DCLK3: variants seen among roughly 807,000 people sequenced by gnomAD.
The protein encoded by DCLK3 is serine/threonine-protein kinase DCLK3.
In DCLK3, 30 loss-of-function variants were observed where a neutral mutation model predicts 46.4. The ratio of observed to expected loss-of-function variants is 0.65; its 90% CI spans 0.48 to 0.88. DCLK3 has a LOEUF of 0.88. Among genes scored for constraint, DCLK3 ranks in the 40% least tolerant of loss-of-function variants. The pLI is 0.00. For synonymous variants in DCLK3, 401 were observed against 339.2 expected (o/e 1.18, Z -2.00); for missense variants, 846 against 907.1 (o/e 0.93, Z 0.87).
chr3:36,756,659 T>C lies in DCLK3; in HGVS notation c.82+7523A>G, dbSNP rs542761396. Among the ~76,000 whole-genome samples the C allele has an allele frequency of 3.3e-5, 5 of 152,174 alleles. No homozygotes were observed. The South Asian group carries it at 8.3e-4, about 25-fold the overall frequency. On this transcript the variant is annotated intron_variant, in intron 1 of 4. Transcript: ENST00000636136. The stretch of plus-strand genomic sequence containing the variant: ...TCCTGGAAGAGACATTCCCAAAAAG[T>C]TATGGCTGTTATTGCTAGGAAATCT...
intron 1 of DCLK3, among the ~76,000 whole-genome samples, chr3:36,763,816 C>T (rs764860412): frequency 3.3e-5 from 5 of 152,152 alleles, no homozygotes; most frequent in Admixed American, 6.5e-5. Flanking sequence ...AATGTCAGCT[C>T]CCTCCCTGCG....
intron 1 of DCLK3, among the ~76,000 whole-genome samples, chr3:36,763,745 T>C (rs540176042): frequency 6.6e-6 from 1 of 152,306 alleles, no homozygotes; most frequent in South Asian, 2.1e-4. Flanking sequence ...TACAGATTTG[T>C]GGAGAGGATG....
Position 36,715,387 on chromosome 3 carries a change from G to C in DCLK3, c.2395C>G (p.Pro799Ala). 6.2e-7 allele frequency: 1 copy of C among 1,614,130 alleles called. No individual in the cohort carries two copies. Among genetic ancestry groups the C allele is most frequent in the Non-Finnish European group, 8.5e-7 (1 of 1,179,992 alleles). The change falls in exon 5 of 5, where the codon CCC (proline) becomes GCC (alanine). Residue 799 changes from proline to alanine, a missense_variant. By Grantham distance (27) the Pro-to-Ala change is conservative. Transcript: ENST00000636136. ...NTVKRQKQVS[P>A]SSEGHFRSQH... Reference sequence around the variant, plus strand: ...CTCCGGAAGTGACCCTCGCTGCTGGGGGACACCTGCTTCTGTCGTTTCACT... The same window carrying C: ...CTCCGGAAGTGACCCTCGCTGCTGGCGGACACCTGCTTCTGTCGTTTCACT...
chr3:36,733,755 A>G (rs1250099407), intron 2 of DCLK3, among the ~76,000 whole-genome samples: 1 of 152,262 alleles, frequency 6.6e-6, no homozygotes, highest in Non-Finnish European at 1.5e-5. Context: ...CCATCATCTT[A>G]TCAGGAAATG....
chr3:36,748,693 C>T (rs531825596), intron 1 of DCLK3, among the ~76,000 whole-genome samples: 1 of 152,206 alleles, frequency 6.6e-6, no homozygotes, highest in Non-Finnish European at 1.5e-5. Flanking sequence ...CGTGAGGCCT[C>T]GGACCTGCCA....
rs1294840451 is a variant in DCLK3 at position 36,747,927 on chromosome 3, G to T, written c.83-8843C>A. ...CCCTCAGGTGGTGTGATGCACGTTT[G>T]CTTGAAATGCACTGCCATAGAATAT... is the stretch of plus-strand genomic sequence containing the variant. On this transcript the variant is annotated intron_variant, in intron 1 of 4. Transcript: ENST00000636136. Among the ~76,000 whole-genome samples the T allele has an allele frequency of 2.0e-5, 3 of 152,208 alleles. No homozygotes were observed. The East Asian group carries it at 5.8e-4, about 29-fold the overall frequency.
At chr3:36,725,246 AGCTT>A (rs1178166780) in intron 2 of DCLK3, among the ~76,000 whole-genome samples, 6 of 147,210 alleles carry the variant, frequency 4.1e-5, no homozygotes, top group Non-Finnish European at 6.0e-5. Flanking sequence ...CAGGAGGCGG[AGCTT>A]GAAGTGAGCT....
chr3:36,751,063 T>TAAAAAAAAAAAA (rs5847933), intron 1 of DCLK3, among the ~76,000 whole-genome samples: 3,983 of 76,300 alleles, frequency 0.052, 856 homozygotes, highest in Admixed American at 0.071. Flanking sequence ...CGGGATGATC[T>TAAAAAAAAAAAA]AAAAAAAAAA....
chr3:36,744,116 C>T (rs1701374156), intron 1 of DCLK3, among the ~76,000 whole-genome samples: 1 of 152,188 alleles, frequency 6.6e-6, no homozygotes, highest in Non-Finnish European at 1.5e-5. Context: ...ACTGTAAGCT[C>T]TCCAAAAGCA....
chr3:36,718,058 G>A lies in DCLK3; in HGVS notation c.2212C>T (p.Leu738=). The change falls in exon 4 of 5, where the codon CTG becomes TTG. Residue 738 remains leucine (L), a synonymous_variant. Transcript: ENST00000636136. ...DQDELFNIIQ[L]GHFEFLPPYW... ...GGGGGGAGGAACTCAAAGTGGCCCAGCTGGATGATGTTAAAGAGCTCGTCC... is the reference window on the plus strand; with the variant it reads ...GGGGGGAGGAACTCAAAGTGGCCCAACTGGATGATGTTAAAGAGCTCGTCC... 6.2e-7 allele frequency: 1 copy of A among 1,614,168 alleles called. No homozygotes were observed. Among genetic ancestry groups the A allele is most frequent in the Non-Finnish European group, 8.5e-7 (1 of 1,180,024 alleles).
chr3:36,734,007 G>C (rs1287524159), intron 2 of DCLK3, among the ~76,000 whole-genome samples: 1 of 152,168 alleles, frequency 6.6e-6, no homozygotes, highest in African/African-American at 2.4e-5. Flanking sequence ...AATGGACACA[G>C]CAGCCATCCA....
At chr3:36,749,672 C>G (rs986450065) in intron 1 of DCLK3, among the ~76,000 whole-genome samples, 1 of 152,174 alleles carries the variant, frequency 6.6e-6, no homozygotes, top group Non-Finnish European at 1.5e-5. Flanking sequence ...TAAATGAGAT[C>G]TGAGGTGGAA....
intron 1 of DCLK3, among the ~76,000 whole-genome samples, chr3:36,763,899 C>A (rs939449209): frequency 6.6e-6 from 1 of 152,250 alleles, no homozygotes; most frequent in Non-Finnish European, 1.5e-5. Context: ...GAAGGGCCCC[C>A]CTGCTGGCGA....
intron 1 of DCLK3, among the ~76,000 whole-genome samples, chr3:36,744,170 G>C (rs913577170): frequency 2.0e-5 from 3 of 152,144 alleles, no homozygotes; most frequent in Non-Finnish European, 4.4e-5. Flanking sequence ...CCCCAGTACA[G>C]AGAGCAAGCA....
intron 1 of DCLK3, among the ~76,000 whole-genome samples, chr3:36,744,931 T>A (rs1286309486): frequency 6.6e-6 from 1 of 152,246 alleles, no homozygotes; most frequent in Non-Finnish European, 1.5e-5. Flanking sequence ...ACTCAGTAAC[T>A]GCACCGGCAT....
At chr3:36,761,825 G>A (rs541416171) in intron 1 of DCLK3, among the ~76,000 whole-genome samples, 63 of 152,132 alleles carry the variant, frequency 4.1e-4, no homozygotes, top group African/African-American at 1.2e-3. Context: ...ACCACCACCC[G>A]CCTGCAGGCT....
rs547360745 is a variant in DCLK3 at position 36,713,842 on chromosome 3, G to C, written c.*1486C>G. On this transcript the variant is annotated 3_prime_UTR_variant, in exon 5 of 5. Transcript: ENST00000636136. ...TATTGTCCCTGTTTGGGACAAAGGA[G>C]CTGAGCCACCATACCCTACAGGGAC... 2.6e-5 allele frequency: 4 copies of C among 152,366 alleles called. No homozygotes were observed. In the South Asian group the frequency reaches 8.3e-4, roughly 32 times the overall value. The allele number at this position is 152,366 out of a possible 1,614,324, so 9.4% of individuals were successfully genotyped here. A position where few individuals can be genotyped will look rare whatever the true frequency, so the allele number is the denominator to read the frequency against.
Position 36,754,808 on chromosome 3 carries a change from A to G in DCLK3, c.82+9374T>C, listed in dbSNP as rs533282260. On this transcript the variant is annotated intron_variant, in intron 1 of 4. Transcript: ENST00000636136. ...TCCATGAACTTATTTCAATTCTAGG[A>G]CATACCTATGTGTTTGTTCTGAGCC... Among the ~76,000 whole-genome samples the G allele has an allele frequency of 5.3e-5, 8 of 152,284 alleles. No individual in the cohort carries two copies. The South Asian group carries it at 1.7e-3, about 32-fold the overall frequency.
At position 36,764,482 on chromosome 3, in the gene DCLK3, G is replaced by T; in HGVS notation, c.-219C>A. 6.1e-6 allele frequency: 1 copy of T among 164,650 alleles called. No homozygotes were observed. The highest frequency in any genetic ancestry group is 1.9e-4 in the South Asian group (1 of 5,258). 10.2% of individuals were successfully genotyped at this position (164,650 alleles called of 1,614,324 possible). On this transcript the variant is annotated 5_prime_UTR_variant, in exon 1 of 5. Coordinates refer to ENST00000636136, the MANE Select transcript of DCLK3 (RefSeq NM_001394672.2). The surrounding 1 kb of genome is among the most constrained non-coding windows in gnomAD (Gnocchi z 4.9). ...ACCGGGAACGTCTCCGGGGGCGCGG[G>T]ACTTAGCAACCGCGCACCAGCTGCA... is the stretch of plus-strand genomic sequence containing the variant.
Sources: allele counts gnomAD v4.1 joint callset (sites outside exome capture counted in the v4.1 genomes callset), GRCh38; gene constraint gnomAD v4.1.1; non-coding constraint Gnocchi (gnomAD v3.1); transcripts MANE v1.5; gene names NCBI Gene and HGNC (gene_info 2026-07-23, HGNC 2026-07-21).